GRID2: variants seen among roughly 807,000 people sequenced by gnomAD.
GRID2 encodes the protein glutamate ionotropic receptor delta type subunit 2, also known as glutamate receptor ionotropic, delta-2.
A neutral mutation model predicts 114.8 loss-of-function variants in GRID2; 33 were observed. That is an observed-to-expected ratio of 0.29 (90% CI 0.22 to 0.38). The LOEUF (loss-of-function observed/expected upper bound fraction) is 0.38, where lower values mean the gene tolerates loss of function less well. GRID2 is among the 10% of genes least tolerant of loss of function. The pLI is 1.00. For missense variants in GRID2, 1,184 were observed against 1,257.7 expected (o/e 0.94, Z 0.89); for synonymous variants, 505 against 449.9 (o/e 1.12, Z -1.55).
At chr4:92,688,278 G>A (rs868795726) in intron 2 of GRID2, among the ~76,000 whole-genome samples, 63 of 151,580 alleles carry the variant, frequency 4.2e-4, no homozygotes, top group African/African-American at 1.3e-3. Context: ...TCGAACTCCC[G>A]ACCTCAGGTG....
At chr4:93,726,240 G>A (rs896767647) in intron 14 of GRID2, among the ~76,000 whole-genome samples, 2 of 152,118 alleles carry the variant, frequency 1.3e-5, no homozygotes, top group Non-Finnish European at 2.9e-5. Context: ...ATTAAATAGG[G>A]CATCCTTCCC....
At chr4:92,450,886 A>C (rs928184263) in intron 1 of GRID2, among the ~76,000 whole-genome samples, 25 of 145,654 alleles carry the variant, frequency 1.7e-4, no homozygotes, top group Admixed American at 1.4e-3. Context: ...AGTTTAAATA[A>C]ATATTCAAAT....
At chr4:93,552,725 C>T (rs867632220) in intron 13 of GRID2, among the ~76,000 whole-genome samples, 8 of 152,068 alleles carry the variant, frequency 5.3e-5, no homozygotes, top group Non-Finnish European at 1.2e-4. Context: ...TGTTGGTTTG[C>T]GGCACCCATC....
intron 2 of GRID2, among the ~76,000 whole-genome samples, chr4:92,856,892 C>T (rs1011447028): frequency 2.6e-5 from 4 of 152,128 alleles, no homozygotes; most frequent in Admixed American, 6.6e-5. Flanking sequence ...GTGAGCAAGT[C>T]TGTCAGTACG....
At chr4:92,500,501 T>C (rs1723629939) in intron 1 of GRID2, among the ~76,000 whole-genome samples, 1 of 152,202 alleles carries the variant, frequency 6.6e-6, no homozygotes, top group Non-Finnish European at 1.5e-5. Flanking sequence ...TTATTCAGGC[T>C]GGCATCTGAG....
At chr4:92,313,809 G>C (rs1725829894) in intron 1 of GRID2, among the ~76,000 whole-genome samples, 1 of 152,096 alleles carries the variant, frequency 6.6e-6, no homozygotes, top group Non-Finnish European at 1.5e-5. Context: ...AGTGCTCTTA[G>C]TGGACTACAA....
chr4:93,384,887 A>G (rs893178826), intron 8 of GRID2, among the ~76,000 whole-genome samples: 4 of 152,176 alleles, frequency 2.6e-5, no homozygotes, highest in Non-Finnish European at 4.4e-5. Context: ...CATATTTAGG[A>G]GGATTAACAA....
At chr4:92,773,159 T>G (rs1340220684) in intron 2 of GRID2, among the ~76,000 whole-genome samples, 5 of 152,228 alleles carry the variant, frequency 3.3e-5, no homozygotes, top group Admixed American at 6.5e-5. Flanking sequence ...TATGAATCCA[T>G]TCCTGGGTTC....
chr4:93,605,771 A>G (rs952177394), intron 13 of GRID2, among the ~76,000 whole-genome samples: 2 of 152,238 alleles, frequency 1.3e-5, no homozygotes, highest in Non-Finnish European at 2.9e-5. Flanking sequence ...GTTTACAGTT[A>G]CATGGCATAG....
At chr4:93,234,189 A>G (rs746167218) in intron 7 of GRID2, among the ~76,000 whole-genome samples, 2 of 152,094 alleles carry the variant, frequency 1.3e-5, no homozygotes, top group Non-Finnish European at 2.9e-5. Context: ...ACTGTCATCC[A>G]TGCTCTCGGT....
At chr4:92,719,218 C>T (rs1480450590) in intron 2 of GRID2, among the ~76,000 whole-genome samples, 2 of 152,096 alleles carry the variant, frequency 1.3e-5, no homozygotes, top group Non-Finnish European at 2.9e-5. Flanking sequence ...AACTCCTGAA[C>T]TGAGATGATC....
At chr4:92,360,132 C>T (rs1271310973) in intron 1 of GRID2, among the ~76,000 whole-genome samples, 1 of 151,960 alleles carries the variant, frequency 6.6e-6, no homozygotes, top group African/African-American at 2.4e-5. Flanking sequence ...GAGAGCTTTA[C>T]CTAGTTTTCC....
intron 1 of GRID2, among the ~76,000 whole-genome samples, chr4:92,384,691 A>G (rs913918531): frequency 2.7e-5 from 3 of 112,200 alleles, no homozygotes; most frequent in African/African-American, 1.0e-4. Flanking sequence ...TATATAATAT[A>G]TATGAGACAT....
At chr4:93,271,007 G>A (rs1751403421) in intron 8 of GRID2, among the ~76,000 whole-genome samples, 1 of 152,126 alleles carries the variant, frequency 6.6e-6, no homozygotes, top group Non-Finnish European at 1.5e-5. Flanking sequence ...ATTTATGCAT[G>A]ATTGACTAAG....
intron 2 of GRID2, among the ~76,000 whole-genome samples, chr4:92,750,717 G>C (rs1194472570): frequency 1.3e-5 from 2 of 152,174 alleles, no homozygotes; most frequent in Admixed American, 6.5e-5. Flanking sequence ...GTGTTTGAAG[G>C]AGTGTCTGCC....
intron 1 of GRID2, among the ~76,000 whole-genome samples, chr4:92,544,126 C>T (rs1726119203): frequency 6.6e-6 from 1 of 152,120 alleles, no homozygotes; most frequent in African/African-American, 2.4e-5. Context: ...TGATAAATAT[C>T]TGCAATTCTT....
At chr4:92,858,384 AT>A (rs1322376369) in intron 2 of GRID2, among the ~76,000 whole-genome samples, 1 of 152,198 alleles carries the variant, frequency 6.6e-6, no homozygotes, top group East Asian at 1.9e-4. Flanking sequence ...ATGAACAGAA[AT>A]TTGGAAGTTG....
At chr4:92,678,095 A>T (rs1477341120) in intron 2 of GRID2, among the ~76,000 whole-genome samples, 1 of 139,322 alleles carries the variant, frequency 7.2e-6, no homozygotes, top group African/African-American at 2.9e-5. Flanking sequence ...GAGTTTCATG[A>T]CTAATTTGCT....
At chr4:92,312,033 G>A (rs548681569) in intron 1 of GRID2, among the ~76,000 whole-genome samples, 1 of 151,946 alleles carries the variant, frequency 6.6e-6, no homozygotes, top group African/African-American at 2.4e-5. Flanking sequence ...TCCAAAGAAA[G>A]GATGTGAACC....
Sources: gnomAD v4.1 joint callset for allele counts (sites outside exome capture counted in the v4.1 genomes callset) on GRCh38, gnomAD v4.1.1 for gene constraint, MANE v1.5 for transcripts, NCBI Gene and HGNC (gene_info 2026-07-23, HGNC 2026-07-21) for gene names.